PSG5: variants seen among roughly 807,000 people sequenced by gnomAD.
PSG5 encodes the protein pregnancy specific beta-1-glycoprotein 5, also known as pregnancy-specific beta-1-glycoprotein 5.
In PSG5, 53 loss-of-function variants were observed where a neutral mutation model predicts 37.7. The ratio of observed to expected loss-of-function variants is 1.41; its 90% confidence interval spans 1.13 to 1.77. The LOEUF (loss-of-function observed/expected upper bound fraction) is 1.77. PSG5 is among the 40% of genes most tolerant of loss of function. PSG5 has a pLI of 0.00. For synonymous variants in PSG5, 221 were observed against 155.4 expected (o/e 1.42, Z -3.14); for missense variants, 547 against 405.2 (o/e 1.35, Z -3.00).
intron 4 of PSG5, 50 bp downstream of exon 4, chr19:43,175,165 G>T (rs770939559): frequency 1.2e-6 from 2 of 1,611,580 alleles, no homozygotes; most frequent in African/African-American, 2.7e-5. Flanking sequence ...CTGAAAGCCA[G>T]GTAGACTCCA....
chr19:43,176,177 C>T (rs773787261), intron 2 of PSG5, 29 bp from the exon 3 acceptor site: 4 of 1,606,340 alleles, frequency 2.5e-6, no homozygotes, highest in Middle Eastern at 3.9e-4. Flanking sequence ...GAAGATTGTC[C>T]TGTGTGGCAC....
chr19:43,172,561 A>G (rs1968927743), intron 4 of PSG5, among the ~76,000 whole-genome samples: 1 of 151,758 alleles, frequency 6.6e-6, no homozygotes, highest in Admixed American at 6.6e-5. Context: ...ACATTCAAAC[A>G]TCAGTTGTAT....
chr19:43,172,789 T>C (rs1274074410), intron 4 of PSG5, among the ~76,000 whole-genome samples: 1 of 151,600 alleles, frequency 6.6e-6, no homozygotes, highest in Non-Finnish European at 1.5e-5. Context: ...TCAATATTGT[T>C]AGGAGGACAG....
chr19:43,175,163 C>T, intron 4 of PSG5, 52 bp downstream of exon 4: 1 of 1,611,616 alleles, frequency 6.2e-7, no homozygotes, highest in East Asian at 2.2e-5. Flanking sequence ...CTCTGAAAGC[C>T]AGGTAGACTC....
intron 4 of PSG5, among the ~76,000 whole-genome samples, chr19:43,172,993 G>T (rs564679773): frequency 6.6e-6 from 1 of 151,816 alleles, no homozygotes; most frequent in East Asian, 1.9e-4. Context: ...CAAAGCCCTA[G>T]TAATCAATAC....
At chr19:43,184,212 G>C (rs1028967357) in intron 2 of PSG5, among the ~76,000 whole-genome samples, 2 of 151,686 alleles carry the variant, frequency 1.3e-5, no homozygotes, top group South Asian at 2.1e-4. Flanking sequence ...AGAAAGCTCT[G>C]TCTTTGCCCA....
At chr19:43,182,822 G>A (rs570304093) in intron 2 of PSG5, among the ~76,000 whole-genome samples, 1 of 146,280 alleles carries the variant, frequency 6.8e-6, no homozygotes, top group African/African-American at 2.6e-5. Flanking sequence ...CCTCACAAAG[G>A]GAAAGAGCCC....
At chr19:43,169,877 G>A in intron 5 of PSG5, 178 bp downstream of exon 5, 1 of 424,446 alleles carries the variant, frequency 2.4e-6, no homozygotes, top group Non-Finnish European at 4.5e-6. Context: ...AGACAGTGGG[G>A]TACAGGGAGC....
At chr19:43,181,841 G>C (rs769562645) in intron 2 of PSG5, among the ~76,000 whole-genome samples, 13 of 151,696 alleles carry the variant, frequency 8.6e-5, no homozygotes, top group Non-Finnish European at 1.5e-4. Context: ...TTTCAAGCTT[G>C]TTATATGCCT....
chr19:43,174,805 G>T, intron 4 of PSG5: 1 of 1,180,738 alleles, frequency 8.5e-7, no homozygotes, highest in African/African-American at 1.6e-5. Flanking sequence ...TGGGGGAAAA[G>T]TGTGAGCTTG....
In PSG5 at chr19:43,174,786, C is replaced by T. The variant is rs575770906; in HGVS notation, c.964+429G>A. On this transcript the variant is annotated intron_variant, in intron 4 of 5. Coordinates refer to ENST00000342951, the MANE Select transcript of PSG5 (RefSeq NM_002781.4). ...TCCTCCCTCACCCAAGGGGCTTCCTCGTCTCATTTGGGGGAAAAGTGTGAG... is the reference window on the plus strand; with the variant it reads ...TCCTCCCTCACCCAAGGGGCTTCCTTGTCTCATTTGGGGGAAAAGTGTGAG... The T allele has an allele frequency of 7.1e-5, 84 of 1,178,764 alleles. 3 individuals carry two copies. The African/African-American group carries it at 9.8e-4, about 14-fold the overall frequency. The allele number at this position is 1,178,764 out of a possible 1,614,324, so 73.0% of individuals were successfully genotyped here. A position where few individuals can be genotyped will look rare whatever the true frequency, so the allele number is the denominator to read the frequency against.
intron 1 of PSG5, 44 bp downstream of exon 1, chr19:43,186,298 T>A (rs1247417815): frequency 6.2e-7 from 1 of 1,610,386 alleles, no homozygotes; most frequent in Non-Finnish European, 8.5e-7. Flanking sequence ...ATCCAGTCAC[T>A]CTTCTTCCTC....
rs1462386675 is a variant in PSG5, at chr19:43,175,443, G to T, written c.736C>A (p.Pro246Thr). ...CCTGAACGGTAATAGGTGAATGAAG[G>T]GTAAATGCTGGGGAGGTCTGGACCA... ...LYGPDLPSIY[P>T]SFTYYRSGEN... The change falls in exon 4 of 6, where the codon CCT becomes ACT. Residue 246 changes from proline to threonine, a missense_variant. Transcript: ENST00000342951. 2 of 1,611,596 alleles carry T rather than the reference G, an allele frequency of 1.2e-6. No homozygotes were observed. Among genetic ancestry groups the T allele is most frequent in the African/African-American group, 1.3e-5 (1 of 74,502 alleles).
At chr19:43,175,179 A>G (rs1354638862) in intron 4 of PSG5, 36 bp downstream of exon 4, 1 of 1,612,042 alleles carries the variant, frequency 6.2e-7, no homozygotes, top group African/African-American at 1.3e-5. Flanking sequence ...GACTCCACCT[A>G]AAACCCTATT....
At chr19:43,180,501 A>T (rs1969105693) in intron 2 of PSG5, 1 of 151,594 alleles carries the variant, frequency 6.6e-6, no homozygotes, top group African/African-American at 2.4e-5. Context: ...AGCATTTCAG[A>T]TTGTGGATTT....
intron 2 of PSG5, among the ~76,000 whole-genome samples, chr19:43,176,750 G>T (rs558407809): frequency 6.6e-5 from 10 of 150,656 alleles, no homozygotes; most frequent in African/African-American, 2.5e-4. Flanking sequence ...GCAGTGTTTT[G>T]CAGGTGTTTC....
Position 43,186,510 on chromosome 19 carries a change from C to T in PSG5, c.-105G>A. ...CTGTCCTTCCTCCTTCTGTGCTGAG[C>T]CTCTCTCCAGGGCAGGAGCACTTCT... On this transcript the variant is annotated 5_prime_UTR_variant, in exon 1 of 6. Coordinates refer to ENST00000342951, the MANE Select transcript of PSG5 (RefSeq NM_002781.4). 3 of 1,548,984 alleles carry T rather than the reference C, an allele frequency of 1.9e-6. No individual in the cohort carries two copies. Among genetic ancestry groups the T allele is most frequent in the East Asian group, 2.3e-5 (1 of 44,144 alleles).
At chr19:43,183,628 A>C (rs1429222263) in intron 2 of PSG5, among the ~76,000 whole-genome samples, 1 of 151,450 alleles carries the variant, frequency 6.6e-6, no homozygotes, top group African/African-American at 2.4e-5. Context: ...CGGTTGAGGC[A>C]GTTGATTTAG....
At chr19:43,173,302 G>T (rs1968941232) in intron 4 of PSG5, among the ~76,000 whole-genome samples, 1 of 151,650 alleles carries the variant, frequency 6.6e-6, no homozygotes, top group South Asian at 2.1e-4. Context: ...ATTTCACAAT[G>T]ATTTCTTGGT....
Sources: allele counts gnomAD v4.1 joint callset (sites outside exome capture counted in the v4.1 genomes callset), GRCh38; gene constraint gnomAD v4.1.1; transcripts MANE v1.5; gene names NCBI Gene and HGNC (gene_info 2026-07-23, HGNC 2026-07-21).